The following STK25 variants were observed in gnomAD, a reference collection of about 807,000 sequenced individuals.
STK25 encodes serine/threonine kinase 25.
In STK25, 29 loss-of-function variants were observed where a neutral mutation model predicts 53.8. That is an observed-to-expected ratio of 0.54 (90% CI 0.40 to 0.74). STK25 has a LOEUF of 0.74. STK25 is among the 30% of genes least tolerant of loss of function. STK25 has a pLI of 0.00. For missense variants in STK25, 420 were observed against 568.0 expected (o/e 0.74, Z 2.65); for synonymous variants, 247 against 238.3 (o/e 1.04, Z -0.33).
chr2:241,503,577 G>A (rs935347525), intron 2 of STK25, among the ~76,000 whole-genome samples: 2 of 151,534 alleles, frequency 1.3e-5, no homozygotes, highest in Non-Finnish European at 2.9e-5. Context: ...GCCGGGTGTG[G>A]TGGTGGGCGC....
At chr2:241,503,060 C>T (rs1029162363) in intron 2 of STK25, among the ~76,000 whole-genome samples, 6 of 152,174 alleles carry the variant, frequency 3.9e-5, no homozygotes, top group South Asian at 4.2e-4. Flanking sequence ...CCTCAAGCCT[C>T]GACCCTTTTT....
intron 2 of STK25, among the ~76,000 whole-genome samples, chr2:241,504,633 G>C (rs2065713250): frequency 6.6e-6 from 1 of 152,202 alleles, no homozygotes; most frequent in Non-Finnish European, 1.5e-5. Flanking sequence ...AGTCAACCCA[G>C]AACATGCAAT....
chr2:241,508,524 G>C lies in STK25; in HGVS notation c.-182C>G. On this transcript the variant is annotated 5_prime_UTR_variant, in exon 1 of 12. Transcript: ENST00000316586. ...TCCCACCCGCAGCCTCTGTTCGCCC[G>C]GGGACCCCGGGCCTCCCAGCCCGCG... The C allele has an allele frequency of 9.9e-7, 1 of 1,007,208 alleles. No homozygotes were observed. Among genetic ancestry groups the C allele is most frequent in the South Asian group, 3.6e-5 (1 of 27,750 alleles). The allele number at this position is 1,007,208 out of a possible 1,614,324, so 62.4% of individuals were successfully genotyped here.
At position 241,498,513 on chromosome 2, in the gene STK25, AG is replaced by A. The variant is rs1359836367; in HGVS notation, c.917+125del. ...CAGCAGGCCCTGTCCTGCAGCCTTG[AG>A]GGGGTCCCTGCCCAACACTATATCT... is the stretch of plus-strand genomic sequence containing the variant. On this transcript the variant is annotated intron_variant, in intron 8 of 11. Transcript: ENST00000316586. 3 of 1,345,364 alleles carry A rather than the reference AG, an allele frequency of 2.2e-6. No homozygotes were observed. The South Asian group carries it at 4.2e-5, about 19-fold the overall frequency. The allele number at this position is 1,345,364 out of a possible 1,614,324, so 83.3% of individuals were successfully genotyped here. A position where few individuals can be genotyped will look rare whatever the true frequency, so the allele number is the denominator to read the frequency against.
chr2:241,497,581 CG>C lies in STK25; in HGVS notation c.1104+34del. The C allele has an allele frequency of 1.9e-6, 3 of 1,604,894 alleles. No individual in the cohort carries two copies. In the South Asian group the frequency reaches 3.3e-5, roughly 18 times the overall value. On this transcript the variant is annotated intron_variant, in intron 10 of 11. Coordinates refer to ENST00000316586, the MANE Select transcript of STK25 (RefSeq NM_001271977.2). Reference sequence around the variant, plus strand: ...AACAGTGTCACAGCCTTGTCCTTGACGGGACTCCAGGCCCAGTCCCAGCCCC... The same window carrying C: ...AACAGTGTCACAGCCTTGTCCTTGACGGACTCCAGGCCCAGTCCCAGCCCC...
intron 4 of STK25, 80 bp from the exon 5 acceptor site, chr2:241,500,361 A>G (rs1373591987): frequency 9.9e-7 from 1 of 1,006,292 alleles, no homozygotes; most frequent in Non-Finnish European, 1.5e-6. Flanking sequence ...TCTCACAGGG[A>G]AGGGCTGTCC....
chr2:241,497,795 C>T (rs984541419), intron 9 of STK25, 108 bp from the exon 10 acceptor site: 44 of 1,148,832 alleles, frequency 3.8e-5, no homozygotes, highest in Non-Finnish European at 4.1e-5. Context: ...CTGGGAGCAG[C>T]CTGTCGGGGC....
At position 241,498,324 on chromosome 2, in the gene STK25, G is replaced by A; in HGVS notation, c.943C>T (p.Gln315Ter). 6.2e-7 allele frequency: 1 copy of A among 1,602,836 alleles called. No homozygotes were observed. Among genetic ancestry groups the A allele is most frequent in the Non-Finnish European group, 8.5e-7 (1 of 1,172,242 alleles). Reference protein sequence around the residue: ...DIDGEAEDGEQGPIWTFPPTI... With the variant: ...DIDGEAEDGE ...GGGGGGAACGTCCAGATGGGGCCCT[G>A]CTCCCCGTCCTCCGCCTCGCCATCA... The change falls in exon 9 of 12, where the codon CAG becomes TAG. Residue 315 changes from glutamine to a stop codon, truncating the protein, a stop_gained. Transcript: ENST00000316586. LOFTEE classifies it high-confidence loss of function.
At position 241,501,150 on chromosome 2, in the gene STK25, C is replaced by T. The variant is rs12476935; in HGVS notation, c.261+328G>A. The stretch of plus-strand genomic sequence containing the variant: ...ACCCTCCTGGGCAGGATGGCCACAG[C>T]GTTCCCTACACCCCAGACACTGGCA... On this transcript the variant is annotated intron_variant, in intron 3 of 11. Transcript: ENST00000316586. This position sits in a 1 kb window ranked among gnomAD's most constrained non-coding sequence, Gnocchi z 5.3. 6,940 of 544,310 alleles carry T rather than the reference C, an allele frequency of 0.013. 210 individuals carry two copies. Among genetic ancestry groups the T allele is most frequent in the South Asian group, 0.069 (3,407 of 49,378 alleles). 33.7% of individuals were successfully genotyped at this position (544,310 alleles called of 1,614,324 possible). A position where few individuals can be genotyped will look rare whatever the true frequency, so the allele number is the denominator to read the frequency against.
At chr2:241,502,240 A>G (rs1301095107) in intron 2 of STK25, among the ~76,000 whole-genome samples, 1 of 152,212 alleles carries the variant, frequency 6.6e-6, no homozygotes, top group East Asian at 1.9e-4. Context: ...AAAAGTCCCC[A>G]GAAAGTATAA....
chr2:241,497,637 C>G lies in STK25; in HGVS notation c.1083G>C (p.Leu361=). 6.2e-7 allele frequency: 1 copy of G among 1,613,522 alleles called. No individual in the cohort carries two copies. The highest frequency in any genetic ancestry group is 8.5e-7 in the Non-Finnish European group (1 of 1,180,014). ...TCACCTCTCCGAAGACGGGCCGGAC[C>G]AGCGTGGACAGGCACTGGGACCTCG... ...RQPRSQCLST[L]VRPVFGELKE... is the part of the protein sequence containing the mutation. The change falls in exon 10 of 12, where the codon CTG becomes CTC. Residue 361 remains leucine (L), a synonymous_variant. Coordinates refer to ENST00000316586, the MANE Select transcript of STK25 (RefSeq NM_001271977.2).
At chr2:241,498,921 C>T (rs1159035641) in intron 7 of STK25, 68 bp downstream of exon 7, 1 of 1,610,682 alleles carries the variant, frequency 6.2e-7, no homozygotes. Flanking sequence ...GGCTGTGCCG[C>T]CCACCCCAAG....
intron 2 of STK25, among the ~76,000 whole-genome samples, chr2:241,502,488 A>G (rs1447306259): frequency 6.6e-6 from 1 of 152,204 alleles, no homozygotes; most frequent in Non-Finnish European, 1.5e-5. Flanking sequence ...CTGAAATCCC[A>G]GCACTCTGGG....
At chr2:241,498,579 A>G (rs2065318160) in intron 8 of STK25, 60 bp downstream of exon 8, 4 of 1,559,242 alleles carry the variant, frequency 2.6e-6, no homozygotes, top group Non-Finnish European at 3.5e-6. Context: ...CTGCTTCTGG[A>G]GTGGGGACCA....
chr2:241,492,879 AG>A lies in STK25; in HGVS notation c.*2782del, dbSNP rs1168754264. On this transcript the variant is annotated 3_prime_UTR_variant, in exon 12 of 12. Coordinates refer to ENST00000316586, the MANE Select transcript of STK25 (RefSeq NM_001271977.2). ...CTTGGGGAGCAAACCCACTCCCACA[AG>A]GGGTCCTGGGTGCTGGTTAATGCAC... 28 of 1,078,816 alleles carry A rather than the reference AG, an allele frequency of 2.6e-5. No individual in the cohort carries two copies. Among genetic ancestry groups the A allele is most frequent in the Non-Finnish European group, 4.0e-5 (28 of 694,810 alleles). The allele number at this position is 1,078,816 out of a possible 1,614,324, so 66.8% of individuals were successfully genotyped here.
chr2:241,508,273 C>A, intron 1 of STK25, 138 bp from the exon 2 acceptor site: 2 of 1,287,064 alleles, frequency 1.6e-6, no homozygotes, highest in Non-Finnish European at 2.0e-6. Context: ...GGGCCTAACG[C>A]CCAGGCTCCC....
chr2:241,493,143 G>A lies in STK25; in HGVS notation c.*2519C>T. 1 of 1,150,918 alleles carries A rather than the reference G, an allele frequency of 8.7e-7. No homozygotes were observed. Among genetic ancestry groups the A allele is most frequent in the East Asian group, 2.4e-5 (1 of 41,874 alleles). The allele number at this position is 1,150,918 out of a possible 1,614,324, so 71.3% of individuals were successfully genotyped here. On this transcript the variant is annotated 3_prime_UTR_variant, in exon 12 of 12. Coordinates refer to ENST00000316586, the MANE Select transcript of STK25 (RefSeq NM_001271977.2). ...TTTTGGTTCTGCCCTCCCATGCTTT[G>A]CCCACACACCCTGTGCTGTGTGAAC...
At position 241,501,459 on chromosome 2, in the gene STK25, G is replaced by A. The variant is rs551223588; in HGVS notation, c.261+19C>T. 51 of 1,610,006 alleles carry A rather than the reference G, an allele frequency of 3.2e-5. No individual in the cohort carries two copies. The highest frequency in any genetic ancestry group is 8.0e-5 in the African/African-American group (6 of 74,830). On this transcript the variant is annotated intron_variant, in intron 3 of 11. Coordinates refer to ENST00000316586, the MANE Select transcript of STK25 (RefSeq NM_001271977.2). This position sits in a 1 kb window ranked among gnomAD's most constrained non-coding sequence, Gnocchi z 5.3. The stretch of plus-strand genomic sequence containing the variant: ...CGGGCACAGCACCAGCAGGGTCCCC[G>A]CCTCCCCACAACAGGCACCTTTAGG...
At position 241,500,300 on chromosome 2, in the gene STK25, C is replaced by T. The variant is rs376880227; in HGVS notation, c.319-19G>A. 1.9e-6 allele frequency: 3 copies of T among 1,578,526 alleles called. No individual in the cohort carries two copies. Among genetic ancestry groups the T allele is most frequent in the African/African-American group, 2.7e-5 (2 of 74,190 alleles). The stretch of plus-strand genomic sequence containing the variant: ...GTTTAAGCTGGAGAGGAAGGTGCGA[C>T]AGCAGGGCCTCAGCTCCTGTCCCAG... On this transcript the variant is annotated intron_variant, in intron 4 of 11. Coordinates refer to ENST00000316586, the MANE Select transcript of STK25 (RefSeq NM_001271977.2).
Sources: gnomAD v4.1 joint callset for allele counts (sites outside exome capture counted in the v4.1 genomes callset) on GRCh38, gnomAD v4.1.1 for gene constraint, Gnocchi (gnomAD v3.1) non-coding constraint, MANE v1.5 for transcripts, NCBI Gene and HGNC (gene_info 2026-07-23, HGNC 2026-07-21) for gene names.